The following OR3A3 variants were observed in gnomAD, a reference collection of about 807,000 sequenced individuals.
OR3A3 encodes the protein olfactory receptor family 3 subfamily A member 3.
For missense variants in OR3A3, 275 were observed against 391.4 expected (o/e 0.70, Z 2.51); for synonymous variants, 103 against 163.9 (o/e 0.63, Z 2.84).
At position 3,420,463 on chromosome 17, in the gene OR3A3, T is replaced by A. The variant is rs537030676; in HGVS notation, c.-6-117T>A. On this transcript the variant is annotated intron_variant, in intron 2 of 2. Coordinates refer to ENST00000641141, the Ensembl canonical transcript of OR3A3. ...AGAGCAAGGTAAAGGCATTGAGGTG[T>A]TGGAGGAGTGAGGGATGGCCTGGGG... The A allele has an allele frequency of 3.2e-4, 477 of 1,513,532 alleles. 7 individuals are homozygous for A. In the Middle Eastern group the frequency reaches 3.2e-3, roughly 10 times the overall value. 93.8% of individuals were successfully genotyped at this position (1,513,532 alleles called of 1,614,324 possible).
At chr17:3,415,929 C>T (rs557039340) in intron 2 of OR3A3, among the ~76,000 whole-genome samples, 2 of 151,042 alleles carry the variant, frequency 1.3e-5, no homozygotes, top group African/African-American at 2.4e-5. Flanking sequence ...ATGTTTCAGC[C>T]GCATACCAAG....
At chr17:3,415,798 AATTATTATT>A (rs71153352) in intron 2 of OR3A3, among the ~76,000 whole-genome samples, 24,212 of 90,190 alleles carry the variant, frequency 0.27, 2,415 homozygotes, top group East Asian at 0.39. Context: ...CTTATTTTTA[AATTATTATT>A]ATTATTATTA....
intron 2 of OR3A3, among the ~76,000 whole-genome samples, chr17:3,419,193 G>A (rs934229853): frequency 2.6e-5 from 4 of 152,340 alleles, no homozygotes; most frequent in African/African-American, 9.6e-5. Flanking sequence ...ACTTCATAGT[G>A]TGGTCCCTCT....
intron 2 of OR3A3, among the ~76,000 whole-genome samples, chr17:3,413,988 C>T (rs2072376570): frequency 6.6e-6 from 1 of 152,204 alleles, no homozygotes; most frequent in South Asian, 2.1e-4. Flanking sequence ...GACAGCCTCA[C>T]ATTGGAGACA....
At chr17:3,417,398 TCTTAA>T (rs2072398969) in intron 2 of OR3A3, among the ~76,000 whole-genome samples, 1 of 152,200 alleles carries the variant, frequency 6.6e-6, no homozygotes, top group Admixed American at 6.5e-5. Flanking sequence ...TTTCTTCTCC[TCTTAA>T]CTTTATTAGA....
intron 2 of OR3A3, among the ~76,000 whole-genome samples, chr17:3,412,543 GC>G (rs1295205431): frequency 6.7e-6 from 1 of 148,386 alleles, no homozygotes; most frequent in African/African-American, 2.5e-5. Context: ...CGTAAGGGGA[GC>G]CTCGAGAGTG....
intron 2 of OR3A3, among the ~76,000 whole-genome samples, chr17:3,413,629 A>G (rs2072373680): frequency 6.6e-6 from 1 of 152,048 alleles, no homozygotes. Context: ...CCTGGTCAAC[A>G]TGGTGAAACC....
exon 3 of OR3A3, chr17:3,421,151 A>C: frequency 6.2e-7 from 1 of 1,614,066 alleles, no homozygotes; most frequent in Non-Finnish European, 8.5e-7. Flanking sequence ...CAGCTCTTCC[A>C]GCTCTCCTGC....
At chr17:3,420,553 C>G in intron 2 of OR3A3, 27 bp from the exon 3 acceptor site, 1 of 1,565,714 alleles carries the variant, frequency 6.4e-7, no homozygotes, top group Non-Finnish European at 8.6e-7. Flanking sequence ...GAACTGATAC[C>G]TCCCCTGCTG....
intron 2 of OR3A3, among the ~76,000 whole-genome samples, chr17:3,419,729 C>CTTTTTT (rs564569456): frequency 1.0e-5 from 1 of 98,904 alleles, no homozygotes; most frequent in African/African-American, 3.3e-5. Flanking sequence ...AAAATTCTAT[C>CTTTTTT]TTTTTTTTTT....
intron 2 of OR3A3, among the ~76,000 whole-genome samples, chr17:3,419,290 C>T (rs993407776): frequency 2.6e-5 from 4 of 152,178 alleles, no homozygotes; most frequent in African/African-American, 9.7e-5. Flanking sequence ...TTCACTTGAT[C>T]TTCACTATTT....
chr17:3,412,663 G>C (rs1159791938), intron 2 of OR3A3, among the ~76,000 whole-genome samples: 1 of 150,958 alleles, frequency 6.6e-6, no homozygotes, highest in Admixed American at 6.7e-5. Flanking sequence ...TTAAGCAATT[G>C]TATCTCTAGC....
intron 2 of OR3A3, among the ~76,000 whole-genome samples, chr17:3,413,060 G>T (rs1050537812): frequency 3.9e-5 from 6 of 152,216 alleles, no homozygotes; most frequent in African/African-American, 1.4e-4. Flanking sequence ...CTATTGAAAA[G>T]ACTGAATCAA....
intron 2 of OR3A3, among the ~76,000 whole-genome samples, chr17:3,419,006 C>T (rs2072409282): frequency 6.6e-6 from 1 of 152,202 alleles, no homozygotes; most frequent in Non-Finnish European, 1.5e-5. Context: ...ACCCTAACTG[C>T]ACCTGGCAGC....
chr17:3,417,620 C>CA (rs1445379044), intron 2 of OR3A3, among the ~76,000 whole-genome samples: 3 of 151,912 alleles, frequency 2.0e-5, no homozygotes, highest in Admixed American at 2.0e-4. Flanking sequence ...TTTGAGTGTC[C>CA]AAAAACTTTA....
exon 3 of OR3A3, chr17:3,422,076 C>G (rs2072438899): frequency 6.6e-6 from 1 of 152,458 alleles, no homozygotes; most frequent in Non-Finnish European, 1.5e-5. Context: ...AAGTTTCCTT[C>G]CAGAGGGATG....
At chr17:3,416,275 A>G (rs1411487885) in intron 2 of OR3A3, among the ~76,000 whole-genome samples, 2 of 152,222 alleles carry the variant, frequency 1.3e-5, no homozygotes, top group African/African-American at 2.4e-5. Flanking sequence ...CATAAAACAT[A>G]TTAATACATT....
chr17:3,417,520 T>C (rs1229962365), intron 2 of OR3A3, among the ~76,000 whole-genome samples: 1 of 152,160 alleles, frequency 6.6e-6, no homozygotes, highest in Non-Finnish European at 1.5e-5. Context: ...GTTATTTTGT[T>C]TTCTTTTTCC....
intron 2 of OR3A3, among the ~76,000 whole-genome samples, chr17:3,417,356 A>C (rs1343796794): frequency 6.6e-6 from 1 of 152,160 alleles, no homozygotes; most frequent in Non-Finnish European, 1.5e-5. Flanking sequence ...CAACTAAGGA[A>C]GTCAGCATAC....
Sources: allele counts gnomAD v4.1 joint callset (sites outside exome capture counted in the v4.1 genomes callset), GRCh38; gene constraint gnomAD v4.1.1; transcripts MANE v1.5; gene names NCBI Gene and HGNC (gene_info 2026-07-23, HGNC 2026-07-21).